Variants in CAMK1D observed in about 807,000 individuals in gnomAD.
CAMK1D encodes the protein calcium/calmodulin-dependent protein kinase type 1D.
Under a neutral mutation model 47.7 loss-of-function variants are expected in CAMK1D, and 9 were observed. The observed-to-expected ratio is 0.19, with a 90% confidence interval of 0.11 to 0.33. The LOEUF (loss-of-function observed/expected upper bound fraction) is 0.33, where lower values mean the gene tolerates loss of function less well. Among genes scored for constraint, CAMK1D ranks in the 10% least tolerant of loss-of-function variants. The pLI is 1.00. For synonymous variants in CAMK1D, 184 were observed against 184.9 expected (o/e 0.99, Z 0.04); for missense variants, 291 against 488.7 (o/e 0.60, Z 3.81).
intron 1 of CAMK1D, among the ~76,000 whole-genome samples, chr10:12,508,703 C>A (rs1390904936): frequency 6.6e-6 from 1 of 152,188 alleles, no homozygotes; most frequent in Non-Finnish European, 1.5e-5. Context: ...GGTCTCCTCC[C>A]TTTCTCCCTC....
chr10:12,728,697 C>T (rs1834761696), intron 3 of CAMK1D, among the ~76,000 whole-genome samples: 1 of 152,230 alleles, frequency 6.6e-6, no homozygotes, highest in African/African-American at 2.4e-5. Flanking sequence ...GCTGCCCTTT[C>T]AATTCCACTC....
intron 1 of CAMK1D, among the ~76,000 whole-genome samples, chr10:12,383,272 TG>T (rs1177644883): frequency 6.6e-6 from 1 of 151,880 alleles, no homozygotes; most frequent in Non-Finnish European, 1.5e-5. Flanking sequence ...TTTTTTTTTT[TG>T]TTGTTGTTAC....
intron 3 of CAMK1D, among the ~76,000 whole-genome samples, chr10:12,714,548 G>T (rs893581689): frequency 3.9e-5 from 6 of 152,110 alleles, no homozygotes; most frequent in African/African-American, 1.2e-4. Flanking sequence ...ATGAAACCCT[G>T]TCTCACTAAA....
chr10:12,713,721 C>T (rs924093797), intron 3 of CAMK1D, among the ~76,000 whole-genome samples: 46 of 152,148 alleles, frequency 3.0e-4, no homozygotes, highest in African/African-American at 1.1e-3. Flanking sequence ...GCAGGGCCCC[C>T]AACAAGTGGC....
At chr10:12,514,677 A>G (rs1005038356) in intron 1 of CAMK1D, among the ~76,000 whole-genome samples, 2 of 152,266 alleles carry the variant, frequency 1.3e-5, no homozygotes, top group Admixed American at 6.5e-5. Context: ...TAGGTTTTAC[A>G]GAGTACGAAG....
chr10:12,410,853 G>C (rs1344831743), intron 1 of CAMK1D, among the ~76,000 whole-genome samples: 1 of 151,984 alleles, frequency 6.6e-6, no homozygotes, highest in Non-Finnish European at 1.5e-5. Flanking sequence ...CTCTTTTATT[G>C]ATTAATTTTA....
intron 8 of CAMK1D, among the ~76,000 whole-genome samples, chr10:12,818,013 C>A (rs17152297): frequency 1.3e-5 from 2 of 151,978 alleles, no homozygotes; most frequent in Admixed American, 1.3e-4. Flanking sequence ...GTAAGCACCA[C>A]GAGCATCCAT....
At chr10:12,791,266 C>T in intron 6 of CAMK1D, 33 bp downstream of exon 6, 1 of 1,592,306 alleles carries the variant, frequency 6.3e-7, no homozygotes, top group Non-Finnish European at 8.6e-7. Context: ...GGTTCTTCCT[C>T]TACCGGCCTT....
intron 1 of CAMK1D, among the ~76,000 whole-genome samples, chr10:12,529,082 C>T (rs1835720742): frequency 6.6e-6 from 1 of 152,114 alleles, no homozygotes; most frequent in Admixed American, 6.5e-5. Flanking sequence ...AAGCAATCCA[C>T]CCGTCTTGGT....
chr10:12,732,890 T>TTACATCTGACAAGCCACTAACCTCCCTCC (rs1250717422), intron 3 of CAMK1D, among the ~76,000 whole-genome samples: 46 of 152,208 alleles, frequency 3.0e-4, no homozygotes, highest in African/African-American at 1.1e-3. Flanking sequence ...CCTCCACCAC[T>TTACATCTGACAAGCCACTAACCTCCCTCC]TACATCTGAC....
intron 2 of CAMK1D, among the ~76,000 whole-genome samples, chr10:12,660,020 C>T (rs1840231270): frequency 6.6e-6 from 1 of 152,182 alleles, no homozygotes; most frequent in African/African-American, 2.4e-5. Context: ...TCACTCTTGT[C>T]TCTCCCTTCC....
chr10:12,448,378 T>A (rs63156762), intron 1 of CAMK1D, among the ~76,000 whole-genome samples: 15 of 152 alleles, frequency 0.099, no homozygotes, highest in Non-Finnish European at 0.5. Context: ...TTAATTTTTA[T>A]TTTTTTTTTG....
Position 12,827,281 on chromosome 10 carries a change from C to G in CAMK1D, c.1040-1488C>G, listed in dbSNP as rs200122222. 2.4e-5 allele frequency among the ~76,000 whole-genome samples: 2 copies of G among 82,994 alleles called. 1 individual carries two copies. Among genetic ancestry groups the G allele is most frequent in the South Asian group, 1.2e-3 (2 of 1,636 alleles). 54.4% of individuals were successfully genotyped at this position (82,994 alleles called of 152,430 possible). A position where few individuals can be genotyped will look rare whatever the true frequency, so the allele number is the denominator to read the frequency against. On this transcript the variant is annotated intron_variant, in intron 10 of 10. Transcript: ENST00000619168. ...CTTTTTCTTTCCTTCTCTTTCTTTT[C>G]TTTTTCTTTCTTTCTTTCTCTCTCT...
chr10:12,581,089 C>G (rs191595517), intron 2 of CAMK1D, among the ~76,000 whole-genome samples: 2 of 152,228 alleles, frequency 1.3e-5, no homozygotes, highest in African/African-American at 4.8e-5. Flanking sequence ...ATTCTTATGC[C>G]TTTGCATCCT....
intron 3 of CAMK1D, among the ~76,000 whole-genome samples, chr10:12,667,534 A>C (rs539885010): frequency 2.0e-5 from 3 of 152,352 alleles, no homozygotes; most frequent in Non-Finnish European, 4.4e-5. Context: ...ATTCCTAGGA[A>C]TATCCCAGGG....
At chr10:12,547,845 T>C (rs1337242949) in intron 1 of CAMK1D, among the ~76,000 whole-genome samples, 2 of 152,210 alleles carry the variant, frequency 1.3e-5, no homozygotes, top group African/African-American at 2.4e-5. Context: ...CAATTTATGG[T>C]CATCTTATAT....
chr10:12,442,204 G>A (rs1398523363), intron 1 of CAMK1D, among the ~76,000 whole-genome samples: 3 of 152,230 alleles, frequency 2.0e-5, no homozygotes, highest in Non-Finnish European at 2.9e-5. Flanking sequence ...CTTTGAGGCC[G>A]GGCGCGGTGG....
At chr10:12,380,583 C>A (rs76968364) in intron 1 of CAMK1D, among the ~76,000 whole-genome samples, 1 of 152,142 alleles carries the variant, frequency 6.6e-6, no homozygotes, top group African/African-American at 2.4e-5. Context: ...CTCAGCTGGG[C>A]GCAGTGGCTC....
intron 2 of CAMK1D, among the ~76,000 whole-genome samples, chr10:12,647,145 C>CT (rs397693477): frequency 0.41 from 30,966 of 76,148 alleles, 7,537 homozygotes; most frequent in East Asian, 0.51. Context: ...CCAGGCTAGC[C>CT]TTTTTTTTTT....
Sources: allele counts gnomAD v4.1 joint callset (sites outside exome capture counted in the v4.1 genomes callset), GRCh38; gene constraint gnomAD v4.1.1; transcripts MANE v1.5; gene names NCBI Gene and HGNC (gene_info 2026-07-23, HGNC 2026-07-21).